The following FGFRL1 variants were observed in gnomAD, a reference collection of about 807,000 sequenced individuals.
FGFRL1 encodes fibroblast growth factor receptor like 1, also known as fibroblast growth factor receptor-like 1.
Under a neutral mutation model 36.8 loss-of-function variants are expected in FGFRL1, and 24 were observed. The ratio of observed to expected loss-of-function variants is 0.65; its 90% CI spans 0.47 to 0.92. The LOEUF (loss-of-function observed/expected upper bound fraction) is 0.92, where lower values mean the gene tolerates loss of function less well. Ranked by LOEUF, FGFRL1 falls within the 40% of genes least tolerant of loss-of-function variation. The probability of loss-of-function intolerance (pLI) is 0.00; values close to 1 mark genes in which losing one functional copy is unlikely to be tolerated. For synonymous variants in FGFRL1, 422 were observed against 344.1 expected (o/e 1.23, Z -2.50); for missense variants, 785 against 753.4 (o/e 1.04, Z -0.49).
In FGFRL1 at chr4:1,023,814, C is replaced by T; in HGVS notation, c.434-3C>T. ...CTGACCTCCACGCCACCCCACCCCG[C>T]AGCACGACCGCGCTTCACACAGCCC... On this transcript the variant is annotated splice_polypyrimidine_tract_variant and splice_region_variant and intron_variant, in intron 4 of 6. Transcript: ENST00000510644. The surrounding 1 kb of genome is among the most constrained non-coding windows in gnomAD (Gnocchi z 6.0). The T allele has an allele frequency of 6.3e-7, 1 of 1,575,800 alleles. No individual in the cohort carries two copies. Among genetic ancestry groups the T allele is most frequent in the Non-Finnish European group, 8.6e-7 (1 of 1,160,532 alleles).
intron 2 of FGFRL1, among the ~76,000 whole-genome samples, chr4:1,018,782 T>C (rs938313616): frequency 9.9e-5 from 15 of 152,274 alleles, no homozygotes; most frequent in African/African-American, 3.4e-4. Flanking sequence ...CCCTGGCCGC[T>C]GTCCTGGTGT....
intron 2 of FGFRL1, among the ~76,000 whole-genome samples, chr4:1,013,478 G>A (rs748961113): frequency 6.6e-6 from 1 of 152,230 alleles, no homozygotes; most frequent in African/African-American, 2.4e-5. Flanking sequence ...ATATGGGCAC[G>A]TTCGGGTGCT....
At chr4:1,022,975 G>A (rs1716279880) in intron 3 of FGFRL1, among the ~76,000 whole-genome samples, 1 of 152,060 alleles carries the variant, frequency 6.6e-6, no homozygotes, top group African/African-American at 2.4e-5. Flanking sequence ...TGGGTGTGGG[G>A]CCCTCGGGTG....
chr4:1,024,596 T>C lies in FGFRL1; in HGVS notation c.1004T>C (p.Met335Thr). Residue 335 changes from methionine (M) to threonine (T), a missense_variant, in exon 6 of 7, where the codon ATG (methionine) becomes ACG (threonine). Coordinates refer to ENST00000510644, the MANE Select transcript of FGFRL1 (RefSeq NM_001004356.3). ...CGTGCCCGCCAGGACGATGCGGGCA[T>C]GTACATCTGCCTTGGCGCCAACACC... ...ITRARQDDAG[M>T]YICLGANTMG... 1 of 1,612,192 alleles carries C rather than the reference T, an allele frequency of 6.2e-7. No homozygotes were observed. Among genetic ancestry groups the C allele is most frequent in the Non-Finnish European group, 8.5e-7 (1 of 1,179,736 alleles).
At chr4:1,013,477 C>T (rs931735546) in intron 2 of FGFRL1, among the ~76,000 whole-genome samples, 14 of 152,232 alleles carry the variant, frequency 9.2e-5, no homozygotes, top group East Asian at 1.9e-4. Flanking sequence ...TATATGGGCA[C>T]GTTCGGGTGC....
In FGFRL1 at chr4:1,012,489, A is replaced by G. The variant is rs1560556409; in HGVS notation, c.4A>G (p.Thr2Ala). 1.3e-6 allele frequency: 2 copies of G among 1,575,750 alleles called. No homozygotes were observed. Among genetic ancestry groups the G allele is most frequent in the South Asian group, 1.1e-5 (1 of 87,732 alleles). The change falls in exon 2 of 7, where the codon ACG (threonine) becomes GCG (alanine). Residue 2 changes from threonine (T) to alanine (A), a missense_variant. Transcript: ENST00000510644. M[T>A]PSPLLLLLLP... Reference sequence around the variant, plus strand: ...CCCCAGGTCCGGACAGGCCGAGATGACGCCGAGCCCCCTGTTGCTGCTCCT... The same window carrying G: ...CCCCAGGTCCGGACAGGCCGAGATGGCGCCGAGCCCCCTGTTGCTGCTCCT...
In FGFRL1 at chr4:1,025,510, C is replaced by A; in HGVS notation, c.*163C>A. ...GGCATAGCCCCTGGACACACACACA[C>A]AGACACACACACTGCCTGGATGCAT... is the stretch of plus-strand genomic sequence containing the variant. On this transcript the variant is annotated 3_prime_UTR_variant, in exon 7 of 7. Coordinates refer to ENST00000510644, the MANE Select transcript of FGFRL1 (RefSeq NM_001004356.3). 2.5e-6 allele frequency: 2 copies of A among 796,426 alleles called. No homozygotes were observed. Among genetic ancestry groups the A allele is most frequent in the Non-Finnish European group, 3.9e-6 (2 of 507,228 alleles). The allele number at this position is 796,426 out of a possible 1,614,324, so 49.3% of individuals were successfully genotyped here.
In FGFRL1 at chr4:1,026,035, GAC is replaced by G. The variant is rs1202529478; in HGVS notation, c.*697_*698del. On this transcript the variant is annotated 3_prime_UTR_variant, in exon 7 of 7. Transcript: ENST00000510644. The stretch of plus-strand genomic sequence containing the variant: ...CACACACACGCAGACATGCTGTCCG[GAC>G]ACACACACGCATGCACAGATATGCT... The G allele has an allele frequency of 1.4e-5, 2 of 141,536 alleles. No homozygotes were observed. The highest frequency in any genetic ancestry group is 4.4e-4 in the South Asian group (2 of 4,576). 8.8% of individuals were successfully genotyped at this position (141,536 alleles called of 1,614,324 possible). A position where few individuals can be genotyped will look rare whatever the true frequency, so the allele number is the denominator to read the frequency against.
chr4:1,012,667 G>T, intron 2 of FGFRL1, 103 bp downstream of exon 2: 1 of 467,320 alleles, frequency 2.1e-6, no homozygotes, highest in Non-Finnish European at 3.6e-6. Flanking sequence ...CACGCGCCAT[G>T]CCCCGCCCCT....
chr4:1,023,610 G>A lies in FGFRL1; in HGVS notation c.353-31G>A, dbSNP rs1160773809. The A allele has an allele frequency of 1.3e-6, 2 of 1,567,708 alleles. No individual in the cohort carries two copies. Among genetic ancestry groups the A allele is most frequent in the Middle Eastern group, 2.3e-4 (1 of 4,428 alleles). ...GAGCTCCTCAGGGCCCCCCTCACCT[G>A]CCCTCCCTGTGCACCTCCGTCTCTC... On this transcript the variant is annotated intron_variant, in intron 3 of 6. Coordinates refer to ENST00000510644, the MANE Select transcript of FGFRL1 (RefSeq NM_001004356.3). The surrounding 1 kb of genome is among the most constrained non-coding windows in gnomAD (Gnocchi z 6.0).
intron 2 of FGFRL1, among the ~76,000 whole-genome samples, chr4:1,019,762 G>T (rs1716075724): frequency 6.6e-6 from 1 of 152,236 alleles, no homozygotes; most frequent in Non-Finnish European, 1.5e-5. Flanking sequence ...TGGGGCCCAT[G>T]GCCTGGGTGG....
Position 1,012,500 on chromosome 4 carries a change from C to T in FGFRL1, c.15C>T (p.Pro5=), listed in dbSNP as rs756223516. MTPS[P]LLLLLLPPLL... is the part of the protein sequence containing the mutation. ...GACAGGCCGAGATGACGCCGAGCCC[C>T]CTGTTGCTGCTCCTGCTGCCGCCGC... The change falls in exon 2 of 7, where the codon CCC becomes CCT. Residue 5 remains proline (P), a synonymous_variant. Coordinates refer to ENST00000510644, the MANE Select transcript of FGFRL1 (RefSeq NM_001004356.3). 20 of 1,570,254 alleles carry T rather than the reference C, an allele frequency of 1.3e-5. 1 individual carries two copies. Among genetic ancestry groups the T allele is most frequent in the Middle Eastern group, 1.7e-4 (1 of 5,982 alleles).
intron 6 of FGFRL1, 84 bp from the exon 7 acceptor site, chr4:1,024,821 C>T: frequency 7.0e-7 from 1 of 1,434,030 alleles, no homozygotes; most frequent in Middle Eastern, 2.5e-4. Context: ...ACCGTCTCCA[C>T]AGCCCCTGGG....
At chr4:1,012,750 G>C (rs549254788) in intron 2 of FGFRL1, among the ~76,000 whole-genome samples, 186 bp downstream of exon 2, 1 of 152,256 alleles carries the variant, frequency 6.6e-6, no homozygotes, top group Non-Finnish European at 1.5e-5. Context: ...ACCCACCGGG[G>C]CTCCCCTAGC....
At chr4:1,019,603 C>G (rs912352779) in intron 2 of FGFRL1, among the ~76,000 whole-genome samples, 4 of 152,208 alleles carry the variant, frequency 2.6e-5, no homozygotes, top group African/African-American at 9.6e-5. Flanking sequence ...CGCTTCCTCC[C>G]CGGGACAAAT....
In FGFRL1 at chr4:1,024,272, G is replaced by A. The variant is rs535412527; in HGVS notation, c.719-39G>A. On this transcript the variant is annotated intron_variant, in intron 5 of 6. Coordinates refer to ENST00000510644, the MANE Select transcript of FGFRL1 (RefSeq NM_001004356.3). ...GGGTGCTGGCGGGGTAGAGTCCGGC[G>A]CGGCCCAGGAGCCATGCCCGCGTGC... is the stretch of plus-strand genomic sequence containing the variant. The A allele has an allele frequency of 2.4e-5, 37 of 1,545,340 alleles. No individual in the cohort carries two copies. In the Admixed American group the frequency reaches 2.6e-4, roughly 11 times the overall value.
chr4:1,014,054 G>T (rs145782171), intron 2 of FGFRL1, among the ~76,000 whole-genome samples: 1 of 152,330 alleles, frequency 6.6e-6, no homozygotes, highest in African/African-American at 2.4e-5. Context: ...GGACTAGGGC[G>T]CGAGGTCCAT....
In FGFRL1 at chr4:1,026,794, C is replaced by T. The variant is rs1218958809; in HGVS notation, c.*1447C>T. ...AGGCCAGACACCACCCCCCACCCCA[C>T]TGTCGTGGTGGCCCCAGATCTCTGT... On this transcript the variant is annotated 3_prime_UTR_variant, in exon 7 of 7. Coordinates refer to ENST00000510644, the MANE Select transcript of FGFRL1 (RefSeq NM_001004356.3). 2 of 453,096 alleles carry T rather than the reference C, an allele frequency of 4.4e-6. No homozygotes were observed. Among genetic ancestry groups the T allele is most frequent in the Non-Finnish European group, 8.9e-6 (2 of 225,434 alleles). The allele number at this position is 453,096 out of a possible 1,614,324, so 28.1% of individuals were successfully genotyped here.
intron 1 of FGFRL1, chr4:1,012,218 G>A (rs1715625958): frequency 2.2e-6 from 1 of 458,748 alleles, no homozygotes; most frequent in African/African-American, 2.1e-5. Context: ...GGCAGGGCCG[G>A]AGTTACAAGC....
Sources: allele counts gnomAD v4.1 joint callset (sites outside exome capture counted in the v4.1 genomes callset), GRCh38; gene constraint gnomAD v4.1.1; non-coding constraint Gnocchi (gnomAD v3.1); transcripts MANE v1.5; gene names NCBI Gene and HGNC (gene_info 2026-07-23, HGNC 2026-07-21).